GNA14: variants seen among roughly 807,000 people sequenced by gnomAD.
GNA14 encodes the protein guanine nucleotide-binding protein subunit alpha-14.
A neutral mutation model predicts 42.0 loss-of-function variants in GNA14; 50 were observed. The observed-to-expected ratio is 1.19, with a 90% confidence interval of 0.95 to 1.51. GNA14 has a LOEUF of 1.51. Among genes scored for constraint, GNA14 ranks in the 40% most tolerant of loss-of-function variants. The pLI, the probability that GNA14 is intolerant of heterozygous loss-of-function variation, is 0.00. For synonymous variants in GNA14, 173 were observed against 163.1 expected, an observed-to-expected ratio of 1.06 and a Z score of -0.46; for missense variants, 473 against 446.2, an observed-to-expected ratio of 1.06 and a Z score of -0.54.
chr9:77,516,035 G>A (rs1174312708), intron 2 of GNA14, among the ~76,000 whole-genome samples: 1 of 146,464 alleles, frequency 6.8e-6, no homozygotes, highest in East Asian at 2.1e-4. Context: ...TATGGGGAGA[G>A]ATGGGAACTA....
At chr9:77,466,439 C>T (rs1587778797) in intron 2 of GNA14, among the ~76,000 whole-genome samples, 1 of 152,276 alleles carries the variant, frequency 6.6e-6, no homozygotes, top group South Asian at 2.1e-4. Context: ...ACTTCAACTT[C>T]AAAATTTCCA....
At chr9:77,435,457 C>T (rs1835627599) in intron 2 of GNA14, among the ~76,000 whole-genome samples, 1 of 152,264 alleles carries the variant, frequency 6.6e-6, no homozygotes, top group Non-Finnish European at 1.5e-5. Flanking sequence ...CTCACACAGT[C>T]TGCTTTTCAT....
intron 1 of GNA14, among the ~76,000 whole-genome samples, chr9:77,556,176 G>A (rs563080526): frequency 1.5e-4 from 23 of 152,244 alleles, no homozygotes; most frequent in Non-Finnish European, 1.3e-4. Flanking sequence ...CTCAGGAGGC[G>A]GAGGTTGCAG....
chr9:77,601,317 G>T (rs547882327), intron 1 of GNA14, among the ~76,000 whole-genome samples: 8 of 152,162 alleles, frequency 5.3e-5, no homozygotes, highest in Non-Finnish European at 1.2e-4. Flanking sequence ...GGAGCAAAAA[G>T]ATCTAGTGTT....
At chr9:77,532,778 C>T (rs1228037178) in intron 1 of GNA14, among the ~76,000 whole-genome samples, 2 of 152,078 alleles carry the variant, frequency 1.3e-5, no homozygotes, top group African/African-American at 2.4e-5. Flanking sequence ...ATTTCTCACC[C>T]GCACCCCCAC....
rs186537073 is a variant in GNA14, at chr9:77,647,431, G to A, written c.124+239C>T. The stretch of plus-strand genomic sequence containing the variant: ...GCGGTCAAGAGGTTAAGTGTTACAG[G>A]TCCCTATCCTGTTTTGGGGCAGGGG... On this transcript the variant is annotated intron_variant, in intron 1 of 6. Coordinates refer to ENST00000341700, the MANE Select transcript of GNA14 (RefSeq NM_004297.4). 7.2e-5 allele frequency among the ~76,000 whole-genome samples: 11 copies of A among 152,308 alleles called. No homozygotes were observed. In the East Asian group the frequency reaches 1.2e-3, roughly 16 times the overall value.
chr9:77,494,761 A>C (rs56962049), intron 2 of GNA14, among the ~76,000 whole-genome samples: 2,221 of 144,982 alleles, frequency 0.015, 49 homozygotes, highest in African/African-American at 0.055. Flanking sequence ...ATATGCAAAG[A>C]GTTGTGGGGT....
At chr9:77,597,642 T>TA (rs1564062778) in intron 1 of GNA14, among the ~76,000 whole-genome samples, 1 of 151,432 alleles carries the variant, frequency 6.6e-6, no homozygotes. Context: ...TGCCATACTT[T>TA]AAAAAAAGTG....
At chr9:77,424,322 A>G (rs1239248130) in intron 6 of GNA14, among the ~76,000 whole-genome samples, 153 bp from the exon 7 acceptor site, 1 of 152,196 alleles carries the variant, frequency 6.6e-6, no homozygotes, top group Non-Finnish European at 1.5e-5. Flanking sequence ...TCTGGGGTTC[A>G]AGCAATTCTC....
intron 1 of GNA14, among the ~76,000 whole-genome samples, chr9:77,628,945 A>G (rs1824054484): frequency 6.6e-6 from 1 of 152,240 alleles, no homozygotes; most frequent in Non-Finnish European, 1.5e-5. Flanking sequence ...ATCAGAGTGA[A>G]CAGGCAACCT....
intron 1 of GNA14, among the ~76,000 whole-genome samples, chr9:77,563,267 T>C (rs1822912812): frequency 6.6e-6 from 1 of 152,114 alleles, no homozygotes; most frequent in African/African-American, 2.4e-5. Context: ...TATATTATCA[T>C]TAGGAGGGAG....
intron 2 of GNA14, among the ~76,000 whole-genome samples, chr9:77,462,954 G>A (rs1462022749): frequency 1.1e-4 from 17 of 152,122 alleles, no homozygotes; most frequent in Admixed American, 1.1e-3. Flanking sequence ...CTCCAGCAGA[G>A]GAGTAACCCA....
chr9:77,522,706 C>G (rs912285243), intron 2 of GNA14, among the ~76,000 whole-genome samples: 1 of 152,116 alleles, frequency 6.6e-6, no homozygotes, highest in African/African-American at 2.4e-5. Flanking sequence ...GGCTGCCTTC[C>G]AGAGCATTAA....
intron 1 of GNA14, among the ~76,000 whole-genome samples, chr9:77,643,666 T>C (rs1211998623): frequency 6.6e-6 from 1 of 152,210 alleles, no homozygotes; most frequent in African/African-American, 2.4e-5. Context: ...TAAAACTTTT[T>C]GGGACCAGAT....
At chr9:77,579,920 C>G (rs1823190290) in intron 1 of GNA14, among the ~76,000 whole-genome samples, 1 of 152,198 alleles carries the variant, frequency 6.6e-6, no homozygotes, top group South Asian at 2.1e-4. Context: ...ACACTTGAAT[C>G]TAGTCATTTA....
At chr9:77,476,553 G>C (rs1056403717) in intron 2 of GNA14, among the ~76,000 whole-genome samples, 2 of 152,202 alleles carry the variant, frequency 1.3e-5, no homozygotes, top group Admixed American at 6.5e-5. Context: ...CAGGGAGGCA[G>C]TGTGAAAAGA....
rs1003583075 is a variant in GNA14, at chr9:77,423,558, A to C, written c.*421T>G. The C allele has an allele frequency of 2.6e-5, 4 of 152,456 alleles. No homozygotes were observed. The highest frequency in any genetic ancestry group is 7.2e-5 in the African/African-American group (3 of 41,456). The allele number at this position is 152,456 out of a possible 1,614,324, so 9.4% of individuals were successfully genotyped here. On this transcript the variant is annotated 3_prime_UTR_variant, in exon 7 of 7. Transcript: ENST00000341700. ...TTTAATAAAAAGCTTCAAACCCATT[A>C]ACATTCTTATTTTTAAAAAAGTCAC...
chr9:77,439,547 G>A (rs1423091049), intron 2 of GNA14, among the ~76,000 whole-genome samples: 1 of 152,212 alleles, frequency 6.6e-6, no homozygotes, highest in Non-Finnish European at 1.5e-5. Flanking sequence ...TGAGGTGGGA[G>A]GATTGCTTGA....
rs1564064418 is a variant in GNA14 at position 77,603,967 on chromosome 9, A to AC, written c.124+43702_124+43703insG. Among the ~76,000 whole-genome samples, 15 of 149,056 alleles carry AC rather than the reference A, an allele frequency of 1.0e-4. 1 individual carries two copies. The highest frequency in any genetic ancestry group is 3.0e-4 in the African/African-American group (12 of 40,380). On this transcript the variant is annotated intron_variant, in intron 1 of 6. Coordinates refer to ENST00000341700, the MANE Select transcript of GNA14 (RefSeq NM_004297.4). The stretch of plus-strand genomic sequence containing the variant: ...TCAAAAAAAAAAAACAAAAAAAAAA[A>AC]AAAAAAAAAAAAAACACCTCTGAGA...
Sources: allele counts gnomAD v4.1 joint callset (sites outside exome capture counted in the v4.1 genomes callset), GRCh38; gene constraint gnomAD v4.1.1; transcripts MANE v1.5; gene names NCBI Gene and HGNC (gene_info 2026-07-23, HGNC 2026-07-21).